Variants in PXDN observed in about 807,000 individuals in gnomAD.
PXDN encodes the protein peroxidasin, also known as peroxidasin homolog.
In PXDN, 77 loss-of-function variants were observed where a neutral mutation model predicts 140.3. That is an observed-to-expected ratio of 0.55 (90% CI 0.46 to 0.66). The LOEUF is 0.66. Ranked by LOEUF, PXDN falls within the 30% of genes least tolerant of loss-of-function variation. PXDN has a pLI of 0.00. For missense variants in PXDN, 1,838 were observed against 2,039.5 expected, an observed-to-expected ratio of 0.90 and a Z score of 1.90; for synonymous variants, 911 against 857.4, an observed-to-expected ratio of 1.06 and a Z score of -1.09.
In PXDN at chr2:1,649,114, A is replaced by T. The variant is rs748931243; in HGVS notation, c.2666T>A (p.Met889Lys). ...VRSSPVCGSG[M>K]TSLLMNSVYP... ...CACGGAGTTCATGAGCAGCGAAGTC[A>T]TGCCGCTGCCGCACACAGGGCTGGA... The change falls in exon 17 of 23, where the codon ATG (methionine) becomes AAG (lysine). Residue 889 changes from methionine to lysine, a missense_variant. By Grantham distance (95) the Met-to-Lys change is moderately conservative (BLOSUM62 -1). Around this residue, in one of 5 missense-constraint regions of PXDN, gnomAD observed 850 missense variants for 894.1 expected, o/e 0.95. Coordinates refer to ENST00000252804, the MANE Select transcript of PXDN (RefSeq NM_012293.3). The surrounding 1 kb of genome is among the most constrained non-coding windows in gnomAD (Gnocchi z 7.1). 8.1e-6 allele frequency: 13 copies of T among 1,612,276 alleles called. No homozygotes were observed. Among genetic ancestry groups the T allele is most frequent in the Non-Finnish European group, 1.1e-5 (13 of 1,179,698 alleles).
intron 1 of PXDN, among the ~76,000 whole-genome samples, chr2:1,740,287 G>T (rs1327549632): frequency 6.6e-6 from 1 of 152,188 alleles, no homozygotes; most frequent in Non-Finnish European, 1.5e-5. Context: ...ACCTCTATCT[G>T]CGTGTGAGGA....
intron 1 of PXDN, among the ~76,000 whole-genome samples, chr2:1,697,893 G>A (rs1684335091): frequency 6.6e-6 from 1 of 152,252 alleles, no homozygotes; most frequent in African/African-American, 2.4e-5. Context: ...TATGAAGTAA[G>A]TTGGCATGAT....
rs541805458 is a variant in PXDN at position 1,668,264 on chromosome 2, C to T, written c.1019-1778G>A. Among the ~76,000 whole-genome samples, 219 of 152,340 alleles carry T rather than the reference C, an allele frequency of 1.4e-3. No individual in the cohort carries two copies. The Middle Eastern group carries it at 0.027, about 19-fold the overall frequency. On this transcript the variant is annotated intron_variant, in intron 9 of 22. Transcript: ENST00000252804. ...GCTAGCCATATGTAGAAAGCTGAAA[C>T]TGGATCCCTTCCTTACACCTTATAC...
At position 1,648,535 on chromosome 2, in the gene PXDN, T is replaced by C; in HGVS notation, c.3245A>G (p.Tyr1082Cys). ...GGGCTGGAAGTTCTCGTCCAGCCGG[T>C]AAAGCAGTGGGTTGACAAGCGTGTG... ...FGHTLVNPLLYRLDENFQPIA... is the reference protein window; with the variant it reads ...FGHTLVNPLLCRLDENFQPIA... The change falls in exon 17 of 23, where the codon TAC becomes TGC. Residue 1082 changes from tyrosine to cysteine, a missense_variant. This residue lies in a region of PXDN where 850 missense variants were observed against 894.1 expected (regional missense o/e 0.95). Transcript: ENST00000252804. The surrounding 1 kb of genome is among the most constrained non-coding windows in gnomAD (Gnocchi z 8.9). 2 of 1,613,594 alleles carry C rather than the reference T, an allele frequency of 1.2e-6. No homozygotes were observed. The highest frequency in any genetic ancestry group is 1.7e-6 in the Non-Finnish European group (2 of 1,179,884).
intron 14 of PXDN, among the ~76,000 whole-genome samples, chr2:1,656,311 AT>A (rs1441133677): frequency 6.6e-6 from 1 of 152,204 alleles, no homozygotes; most frequent in African/African-American, 2.4e-5. Context: ...ACCAACTTTT[AT>A]TTTTAGTGAT....
At position 1,666,379 on chromosome 2, in the gene PXDN, T is replaced by C. The variant is rs1314888706; in HGVS notation, c.1126A>G (p.Thr376Ala). ...TGHPPPRISWTRGDRTPLPVD... is the reference protein window; with the variant it reads ...TGHPPPRISWARGDRTPLPVD... ...GGCAAGGGTGTGCGGTCACCTCTCGTCCAGGAGATCCGCGGCGGGGGGTGG... is the reference window on the plus strand; with the variant it reads ...GGCAAGGGTGTGCGGTCACCTCTCGCCCAGGAGATCCGCGGCGGGGGGTGG... The change falls in exon 10 of 23, where the codon ACG becomes GCG. Residue 376 changes from threonine to alanine, a missense_variant. Physicochemically the swap from Thr to Ala is moderately conservative, Grantham distance 58. Around this residue, in one of 5 missense-constraint regions of PXDN, gnomAD observed 208 missense variants for 325.8 expected, o/e 0.64. Coordinates refer to ENST00000252804, the MANE Select transcript of PXDN (RefSeq NM_012293.3). 4 of 1,613,648 alleles carry C rather than the reference T, an allele frequency of 2.5e-6. No individual in the cohort carries two copies. The highest frequency in any genetic ancestry group is 2.5e-6 in the Non-Finnish European group (3 of 1,179,866).
At chr2:1,681,234 T>C (rs983000843) in intron 6 of PXDN, among the ~76,000 whole-genome samples, 1 of 151,668 alleles carries the variant, frequency 6.6e-6, no homozygotes, top group Admixed American at 6.6e-5. Flanking sequence ...TCTTCCTGGG[T>C]GGAATTCAAT....
chr2:1,724,461 T>TA (rs1405535013), intron 1 of PXDN, among the ~76,000 whole-genome samples: 2 of 152,204 alleles, frequency 1.3e-5, no homozygotes, highest in African/African-American at 4.8e-5. Context: ...GGAGGTTAGA[T>TA]AAGCATCTTT....
At chr2:1,695,943 T>C (rs1458858946) in intron 1 of PXDN, among the ~76,000 whole-genome samples, 4 of 121,504 alleles carry the variant, frequency 3.3e-5, no homozygotes, top group Non-Finnish European at 6.8e-5. Flanking sequence ...CAAGCCCCTA[T>C]GCCCTGGGTC....
At chr2:1,720,713 C>CTCTCTCTGCATCTT (rs1558526239) in intron 1 of PXDN, among the ~76,000 whole-genome samples, 8 of 49,516 alleles carry the variant, frequency 1.6e-4, no homozygotes, top group African/African-American at 5.8e-4. Context: ...CTCTTTCTCT[C>CTCTCTCTGCATCTT]TCTCTCTCTC....
At chr2:1,720,869 G>A (rs954637660) in intron 1 of PXDN, among the ~76,000 whole-genome samples, 6 of 152,104 alleles carry the variant, frequency 3.9e-5, no homozygotes, top group Non-Finnish European at 5.9e-5. Context: ...CTGGGTGGGC[G>A]CCTGACCCAG....
intron 1 of PXDN, among the ~76,000 whole-genome samples, chr2:1,733,746 G>GAGAAAAA: frequency 1.4e-4 from 1 of 7,254 alleles, no homozygotes; most frequent in Non-Finnish European, 2.8e-4. Flanking sequence ...TGTGTCAAAT[G>GAGAAAAA]ACAAAAAAAA....
At chr2:1,644,428 G>A (rs1281840080) in intron 18 of PXDN, among the ~76,000 whole-genome samples, 190 bp downstream of exon 18, 3 of 152,150 alleles carry the variant, frequency 2.0e-5, no homozygotes, top group African/African-American at 7.2e-5. Context: ...AGGCTGCAAG[G>A]ACATGTAAGC....
At chr2:1,737,461 G>A (rs1454199294) in intron 1 of PXDN, among the ~76,000 whole-genome samples, 3 of 152,120 alleles carry the variant, frequency 2.0e-5, no homozygotes, top group African/African-American at 7.2e-5. Context: ...ATTCCACTGA[G>A]ACATCTTTTA....
chr2:1,665,913 C>A (rs775797634), intron 10 of PXDN, among the ~76,000 whole-genome samples: 11 of 151,846 alleles, frequency 7.2e-5, no homozygotes, highest in Non-Finnish European at 1.2e-4. Context: ...GTGTGCACAC[C>A]CACACACACA....
At chr2:1,686,885 C>T (rs948805093) in intron 4 of PXDN, among the ~76,000 whole-genome samples, 29 of 152,226 alleles carry the variant, frequency 1.9e-4, no homozygotes, top group African/African-American at 6.8e-4. Flanking sequence ...GGACGTCACG[C>T]TGCGTCACAG....
intron 12 of PXDN, 113 bp downstream of exon 12, chr2:1,663,492 G>C: frequency 7.0e-7 from 1 of 1,421,084 alleles, no homozygotes; most frequent in Non-Finnish European, 9.6e-7. Flanking sequence ...AATGCAGAGA[G>C]AACAGCCAAC....
At chr2:1,735,147 T>G (rs766183064) in intron 1 of PXDN, among the ~76,000 whole-genome samples, 1 of 152,202 alleles carries the variant, frequency 6.6e-6, no homozygotes, top group Non-Finnish European at 1.5e-5. Context: ...CTAGCTCTCT[T>G]GCTATTTCCA....
At chr2:1,659,896 T>A (rs1683262629) in intron 14 of PXDN, among the ~76,000 whole-genome samples, 2 of 152,176 alleles carry the variant, frequency 1.3e-5, no homozygotes, top group South Asian at 2.1e-4. Context: ...TCCTGTCTGT[T>A]AACAAGTCCC....
Sources: gnomAD v4.1 joint callset for allele counts (sites outside exome capture counted in the v4.1 genomes callset) on GRCh38, gnomAD v4.1.1 for gene constraint, gnomAD v4.1.1 regional missense constraint, Gnocchi (gnomAD v3.1) non-coding constraint, MANE v1.5 for transcripts, NCBI Gene and HGNC (gene_info 2026-07-23, HGNC 2026-07-21) for gene names.